The following KLHL41 variants were observed in gnomAD, a reference collection of about 807,000 sequenced individuals.
KLHL41 encodes kelch like family member 41, also known as kelch-like protein 41.
Under a neutral mutation model 49.2 loss-of-function variants are expected in KLHL41, and 31 were observed. The ratio of observed to expected loss-of-function variants is 0.63; its 90% CI spans 0.47 to 0.85. The LOEUF (loss-of-function observed/expected upper bound fraction) is 0.85. Ranked by LOEUF, KLHL41 falls within the 40% of genes least tolerant of loss-of-function variation. The pLI is 0.00. For synonymous variants in KLHL41, 218 were observed against 258.5 expected (o/e 0.84, Z 1.50); for missense variants, 663 against 726.7 (o/e 0.91, Z 1.01).
chr2:169,520,254 C>T (rs1684180067), intron 4 of KLHL41, among the ~76,000 whole-genome samples: 1 of 136,868 alleles, frequency 7.3e-6, no homozygotes, highest in Middle Eastern at 4.0e-3. Context: ...ACTCCTTGGG[C>T]TCAAGCTATC....
Position 169,510,254 on chromosome 2 carries a change from C to G in KLHL41, c.476C>G (p.Ser159Cys), listed in dbSNP as rs146171632. 6.2e-7 allele frequency: 1 copy of G among 1,613,888 alleles called. No individual in the cohort carries two copies. Among genetic ancestry groups the G allele is most frequent in the Non-Finnish European group, 8.5e-7 (1 of 1,180,052 alleles). ...GCCATTTCTGCCCGTGAATTTGTGT[C>G]TGATCGCTTTGTACAGATTTGTAAG... The part of the protein sequence containing the change: ...RLAISAREFV[S>C]DRFVQICKEE... The change falls in exon 1 of 6, where the codon TCT (serine) becomes TGT (cysteine). Residue 159 changes from serine (S) to cysteine (C), a missense_variant. This residue lies in a region of KLHL41 where 528 missense variants were observed against 581.0 expected (regional missense o/e 0.91). Transcript: ENST00000284669. This position sits in a 1 kb window ranked among gnomAD's most constrained non-coding sequence, Gnocchi z 4.2.
Position 169,510,211 on chromosome 2 carries a change from C to A in KLHL41, c.433C>A (p.Leu145Ile). Residue 145 changes from leucine to isoleucine, a missense_variant, in exon 1 of 6, where the codon CTT (leucine) becomes ATT (isoleucine). By Grantham distance (5) the Leu-to-Ile change is conservative (BLOSUM62 2). Coordinates refer to ENST00000284669, the MANE Select transcript of KLHL41 (RefSeq NM_006063.3). The surrounding 1 kb of genome is among the most constrained non-coding windows in gnomAD (Gnocchi z 4.2). ...AGCCATCCTAAGATTAGGACTTCTT[C>A]TTGACTGCCCGAGACTCGCCATTTC... ...CLAILRLGLLLDCPRLAISAR... is the reference protein window; with the variant it reads ...CLAILRLGLLIDCPRLAISAR... The A allele has an allele frequency of 6.2e-7, 1 of 1,614,034 alleles. No individual in the cohort carries two copies. Among genetic ancestry groups the A allele is most frequent in the Non-Finnish European group, 8.5e-7 (1 of 1,180,016 alleles).
In KLHL41 at chr2:169,510,640, C is replaced by T. The variant is rs1684017495; in HGVS notation, c.862C>T (p.Leu288Phe). 15 of 1,614,146 alleles carry T rather than the reference C, an allele frequency of 9.3e-6. No individual in the cohort carries two copies. Among genetic ancestry groups the T allele is most frequent in the Non-Finnish European group, 1.3e-5 (15 of 1,180,016 alleles). Residue 288 changes from leucine to phenylalanine, a missense_variant, in exon 1 of 6, where the codon CTT becomes TTT. This residue lies in a region of KLHL41 where 528 missense variants were observed against 581.0 expected (regional missense o/e 0.91). Coordinates refer to ENST00000284669, the MANE Select transcript of KLHL41 (RefSeq NM_006063.3). The surrounding 1 kb of genome is among the most constrained non-coding windows in gnomAD (Gnocchi z 4.2). ...TGGTGATGTTGGTGATGAAGATTTA[C>T]TTCCTGGTTACCTGAATGACATTCC... ...VNGDVGDEDL[L>F]PGYLNDIPRH...
intron 4 of KLHL41, among the ~76,000 whole-genome samples, chr2:169,519,314 T>C (rs1397124176): frequency 1.3e-5 from 2 of 152,076 alleles, no homozygotes; most frequent in Non-Finnish European, 2.9e-5. Flanking sequence ...ATATTATTAC[T>C]TTTTTTAGAA....
At chr2:169,515,103 G>A (rs1341989257) in intron 3 of KLHL41, 142 bp downstream of exon 3, 4 of 512,982 alleles carry the variant, frequency 7.8e-6, no homozygotes, top group Non-Finnish European at 1.3e-5. Context: ...GTGTGATCTC[G>A]GCTCACTGCA....
In KLHL41 at chr2:169,512,899, A is replaced by AT. The variant is rs558370147; in HGVS notation, c.1111-1669dup. 8.9e-3 allele frequency among the ~76,000 whole-genome samples: 1,350 copies of AT among 151,874 alleles called. 27 individuals carry two copies. Among genetic ancestry groups the AT allele is most frequent in the African/African-American group, 0.031 (1,290 of 41,400 alleles). Reference sequence around the variant, plus strand: ...GAATTTTTTACCTTGGTAAGGGAGGATTTTTTCCCCCACTCATTAATTTGA... The same window carrying AT: ...GAATTTTTTACCTTGGTAAGGGAGGATTTTTTTCCCCCACTCATTAATTTGA... On this transcript the variant is annotated intron_variant, in intron 1 of 5. Transcript: ENST00000284669.
chr2:169,523,157 A>G (rs1256055287), intron 5 of KLHL41, among the ~76,000 whole-genome samples: 2 of 152,162 alleles, frequency 1.3e-5, no homozygotes, highest in Non-Finnish European at 2.9e-5. Flanking sequence ...TGCAGGGAAC[A>G]GTTACAGGCA....
intron 4 of KLHL41, among the ~76,000 whole-genome samples, chr2:169,519,137 T>A (rs1489422357): frequency 6.6e-6 from 1 of 152,222 alleles, no homozygotes; most frequent in East Asian, 1.9e-4. Flanking sequence ...ACGCTGTTTA[T>A]AATTTTATTA....
In KLHL41 at chr2:169,509,729, A is replaced by T. The variant is rs759387610; in HGVS notation, c.-50A>T. ...TTTTACAGCTAGACCTGTGTGCTGC[A>T]AGGAGCTAAGGCCTTCAGTGTCCCC... On this transcript the variant is annotated 5_prime_UTR_variant, in exon 1 of 6. Coordinates refer to ENST00000284669, the MANE Select transcript of KLHL41 (RefSeq NM_006063.3). 6 of 1,550,298 alleles carry T rather than the reference A, an allele frequency of 3.9e-6. No homozygotes were observed.
intron 1 of KLHL41, chr2:169,514,370 T>C (rs1684074620): frequency 2.3e-6 from 1 of 440,196 alleles, no homozygotes; most frequent in African/African-American, 2.0e-5. Flanking sequence ...TTGATATCTT[T>C]ATCTGGTAGG....
Position 169,509,961 on chromosome 2 carries a change from CT to C in KLHL41, c.188del (p.Leu63TyrfsTer12), listed in dbSNP as rs1174132691. On this transcript the variant is annotated frameshift_variant, in exon 1 of 6. Coordinates refer to ENST00000284669, the MANE Select transcript of KLHL41 (RefSeq NM_006063.3). LOFTEE classifies it high-confidence loss of function. ...CTTGTAGTCCTTACTTCCGTGAGTA[CT>C]TTTTATCTGAAATTGATGAGGCGAA... Reference protein sequence around the residue: ...SACSPYFREYFLSEIDEAKKK... With the variant: ...SACSPYFREYXLSEIDEAKKK... The C allele has an allele frequency of 6.2e-7, 1 of 1,613,912 alleles. No individual in the cohort carries two copies. Among genetic ancestry groups the C allele is most frequent in the African/African-American group, 1.3e-5 (1 of 74,876 alleles).
intron 3 of KLHL41, among the ~76,000 whole-genome samples, chr2:169,515,217 G>A: frequency 6.6e-6 from 1 of 151,948 alleles, no homozygotes; most frequent in East Asian, 1.9e-4. Context: ...ATTTTTAGTA[G>A]AGACAGGGTT....
At chr2:169,511,245 TCA>T (rs1288349868) in intron 1 of KLHL41, among the ~76,000 whole-genome samples, 1 of 152,216 alleles carries the variant, frequency 6.6e-6, no homozygotes, top group African/African-American at 2.4e-5. Flanking sequence ...AGATGGGCTC[TCA>T]CTATGTTGCC....
At chr2:169,521,382 T>A (rs1684201007) in intron 5 of KLHL41, among the ~76,000 whole-genome samples, 1 of 152,086 alleles carries the variant, frequency 6.6e-6, no homozygotes, top group Non-Finnish European at 1.5e-5. Flanking sequence ...TAAAAAAAAT[T>A]TTATGTTTTT....
rs775340986 is a variant in KLHL41, at chr2:169,521,646, A to G, written c.1709+639A>G. Among the ~76,000 whole-genome samples, 22 of 152,192 alleles carry G rather than the reference A, an allele frequency of 1.4e-4. No individual in the cohort carries two copies. In the Middle Eastern group the frequency reaches 0.01, roughly 71 times the overall value. ...GACCTCAGGTGATCCACCCGCCTCA[A>G]TCTCCCAAAGTGCTAGGATTACAGG... On this transcript the variant is annotated intron_variant, in intron 5 of 5. Transcript: ENST00000284669.
At chr2:169,515,179 A>G (rs2105310016) in intron 3 of KLHL41, among the ~76,000 whole-genome samples, 1 of 151,852 alleles carries the variant, frequency 6.6e-6, no homozygotes, top group East Asian at 1.9e-4. Flanking sequence ...GATTACAGGC[A>G]TGCTCCACCA....
chr2:169,522,006 A>G (rs966512671), intron 5 of KLHL41, among the ~76,000 whole-genome samples: 14 of 152,016 alleles, frequency 9.2e-5, no homozygotes, highest in Non-Finnish European at 1.3e-4. Flanking sequence ...AAAGAAAAAA[A>G]AAAAAAGAAA....
intron 4 of KLHL41, among the ~76,000 whole-genome samples, chr2:169,520,339 C>A (rs1684184911): frequency 7.8e-6 from 1 of 128,700 alleles, no homozygotes; most frequent in African/African-American, 2.8e-5. Context: ...TGGAGGCAGT[C>A]CATTTTGTTG....
At position 169,510,213 on chromosome 2, in the gene KLHL41, T is replaced by G. The variant is rs1684009664; in HGVS notation, c.435T>G (p.Leu145=). The stretch of plus-strand genomic sequence containing the variant: ...CCATCCTAAGATTAGGACTTCTTCT[T>G]GACTGCCCGAGACTCGCCATTTCTG... ...CLAILRLGLL[L]DCPRLAISAR... The change falls in exon 1 of 6, where the codon CTT becomes CTG. Residue 145 remains leucine (L), a synonymous_variant. Transcript: ENST00000284669. The surrounding 1 kb of genome is among the most constrained non-coding windows in gnomAD (Gnocchi z 4.2). 1 of 1,613,988 alleles carries G rather than the reference T, an allele frequency of 6.2e-7. No individual in the cohort carries two copies. The highest frequency in any genetic ancestry group is 1.3e-5 in the African/African-American group (1 of 74,928).
Sources: gnomAD v4.1 joint callset for allele counts (sites outside exome capture counted in the v4.1 genomes callset) on GRCh38, gnomAD v4.1.1 for gene constraint, gnomAD v4.1.1 regional missense constraint, Gnocchi (gnomAD v3.1) non-coding constraint, MANE v1.5 for transcripts, NCBI Gene and HGNC (gene_info 2026-07-23, HGNC 2026-07-21) for gene names.